The following DLG2 variants were observed in gnomAD, a reference collection of about 807,000 sequenced individuals.
The protein encoded by DLG2 is discs large MAGUK scaffold protein 2.
Under a neutral mutation model 132.5 loss-of-function variants are expected in DLG2, and 45 were observed. The observed-to-expected ratio is 0.34, with a 90% CI of 0.27 to 0.44. The LOEUF (loss-of-function observed/expected upper bound fraction) is 0.44. DLG2 is among the 20% of genes least tolerant of loss of function. The pLI, the probability that DLG2 is intolerant of heterozygous loss-of-function variation, is 1.00. For synonymous variants in DLG2, 424 were observed against 419.6 expected, an observed-to-expected ratio of 1.01 and a Z score of -0.13; for missense variants, 1,045 against 1,196.9, an observed-to-expected ratio of 0.87 and a Z score of 1.87.
intron 3 of DLG2, among the ~76,000 whole-genome samples, chr11:85,540,408 A>G (rs1471121513): frequency 6.6e-6 from 1 of 152,214 alleles, no homozygotes; most frequent in Non-Finnish European, 1.5e-5. Flanking sequence ...TGGTGGGACC[A>G]TGTGGAATTT....
At chr11:85,548,156 T>C (rs191183323) in intron 3 of DLG2, among the ~76,000 whole-genome samples, 108 of 152,314 alleles carry the variant, frequency 7.1e-4, no homozygotes, top group African/African-American at 2.5e-3. Flanking sequence ...TCGGTGATCT[T>C]TGGCTGGGGT....
intron 19 of DLG2, among the ~76,000 whole-genome samples, chr11:83,620,869 CAAAAA>C (rs56868518): frequency 3.5e-5 from 2 of 57,216 alleles, no homozygotes; most frequent in South Asian, 8.7e-4. Flanking sequence ...GACTCCGTCT[CAAAAA>C]AAAAAAAAAA....
At chr11:85,449,680 C>G (rs954625877) in intron 3 of DLG2, among the ~76,000 whole-genome samples, 1 of 151,798 alleles carries the variant, frequency 6.6e-6, no homozygotes, top group African/African-American at 2.4e-5. Context: ...TTTATTAAAG[C>G]TGTTTTTAGG....
intron 18 of DLG2, among the ~76,000 whole-genome samples, chr11:83,732,438 C>T (rs2091191964): frequency 6.6e-6 from 1 of 152,052 alleles, no homozygotes; most frequent in African/African-American, 2.4e-5. Context: ...TATATGGAAC[C>T]AAAATATGTC....
At chr11:84,206,153 AC>A (rs2154304032) in intron 8 of DLG2, among the ~76,000 whole-genome samples, 1 of 152,122 alleles carries the variant, frequency 6.6e-6, no homozygotes, top group East Asian at 1.9e-4. Flanking sequence ...GACACAAACT[AC>A]CAAAGCTTAT....
chr11:85,243,949 T>C (rs2152682866), intron 4 of DLG2, among the ~76,000 whole-genome samples: 1 of 152,150 alleles, frequency 6.6e-6, no homozygotes, highest in African/African-American at 2.4e-5. Context: ...CGTCTTTATA[T>C]GAAAATAAAG....
At chr11:85,392,072 C>T (rs1488273239) in intron 3 of DLG2, among the ~76,000 whole-genome samples, 1 of 151,878 alleles carries the variant, frequency 6.6e-6, no homozygotes, top group Non-Finnish European at 1.5e-5. Flanking sequence ...CTAGAACTGG[C>T]AAATAAATTA....
intron 9 of DLG2, among the ~76,000 whole-genome samples, chr11:84,130,117 A>G (rs1371806346): frequency 1.3e-5 from 2 of 152,056 alleles, no homozygotes; most frequent in African/African-American, 4.8e-5. Context: ...TTATGCCAGG[A>G]CACACAAACA....
chr11:84,696,446 T>C (rs1190443444), intron 6 of DLG2, among the ~76,000 whole-genome samples: 1 of 151,492 alleles, frequency 6.6e-6, no homozygotes, highest in Non-Finnish European at 1.5e-5. Context: ...CAGAATGTAG[T>C]TTCTTGACCT....
At chr11:85,598,346 T>C (rs564854888) in intron 3 of DLG2, among the ~76,000 whole-genome samples, 1 of 152,284 alleles carries the variant, frequency 6.6e-6, no homozygotes, top group South Asian at 2.1e-4. Flanking sequence ...GTCCTCAATG[T>C]TTTATAACAC....
intron 8 of DLG2, among the ~76,000 whole-genome samples, chr11:84,200,015 A>T (rs1002645784): frequency 1.3e-5 from 2 of 152,068 alleles, no homozygotes; most frequent in Admixed American, 6.5e-5. Context: ...TATAAATTTT[A>T]AAAAAGAAAG....
chr11:84,607,094 C>T (rs985559802), intron 6 of DLG2, among the ~76,000 whole-genome samples: 3 of 152,028 alleles, frequency 2.0e-5, no homozygotes, highest in African/African-American at 7.3e-5. Flanking sequence ...TCTAAAACAG[C>T]CAGACACACT....
intron 6 of DLG2, among the ~76,000 whole-genome samples, chr11:84,881,697 C>T (rs753477238): frequency 5.3e-5 from 8 of 152,102 alleles, no homozygotes; most frequent in Non-Finnish European, 7.4e-5. Flanking sequence ...AGGGGGATTG[C>T]ATTGCCTCCA....
At chr11:84,059,115 T>C (rs977921209) in intron 11 of DLG2, among the ~76,000 whole-genome samples, 200 bp downstream of exon 11, 1 of 152,124 alleles carries the variant, frequency 6.6e-6, no homozygotes, top group Non-Finnish European at 1.5e-5. Flanking sequence ...TCTACATAAA[T>C]CTACTCTTTC....
intron 6 of DLG2, among the ~76,000 whole-genome samples, chr11:84,705,931 G>A (rs1365012999): frequency 6.6e-6 from 1 of 151,760 alleles, no homozygotes; most frequent in East Asian, 1.9e-4. Context: ...AAGCACTATA[G>A]CAGTAGCTAG....
intron 19 of DLG2, among the ~76,000 whole-genome samples, chr11:83,628,702 A>G (rs2063045195): frequency 6.6e-6 from 1 of 152,178 alleles, no homozygotes; most frequent in South Asian, 2.1e-4. Flanking sequence ...AGCTGGCTAC[A>G]ACACCAAGGG....
intron 5 of DLG2, among the ~76,000 whole-genome samples, chr11:85,121,965 AGTAT>A (rs750915638): frequency 8.5e-5 from 13 of 152,072 alleles, no homozygotes; most frequent in Non-Finnish European, 1.3e-4. Context: ...GTGTGTGTGT[AGTAT>A]GTATGTATGT....
chr11:84,020,449 A>C (rs1027383153), intron 11 of DLG2, among the ~76,000 whole-genome samples: 11 of 152,180 alleles, frequency 7.2e-5, no homozygotes, highest in African/African-American at 2.7e-4. Context: ...CTGTATGTTT[A>C]ATTAATATTA....
chr11:84,762,991 C>T (rs1365052814), intron 6 of DLG2, among the ~76,000 whole-genome samples: 1 of 152,162 alleles, frequency 6.6e-6, no homozygotes, highest in Non-Finnish European at 1.5e-5. Flanking sequence ...TAACAATTCT[C>T]CTTGCCCAAG....
Sources: allele counts gnomAD v4.1 joint callset (sites outside exome capture counted in the v4.1 genomes callset), GRCh38; gene constraint gnomAD v4.1.1; transcripts MANE v1.5; gene names NCBI Gene and HGNC (gene_info 2026-07-23, HGNC 2026-07-21).